STK3: variants seen among roughly 807,000 people sequenced by gnomAD.
STK3 encodes serine/threonine-protein kinase 3.
Under a neutral mutation model 58.0 loss-of-function variants are expected in STK3, and 41 were observed. The ratio of observed to expected loss-of-function variants is 0.71; its 90% CI spans 0.55 to 0.92. The LOEUF (loss-of-function observed/expected upper bound fraction) is 0.92, where lower values mean the gene tolerates loss of function less well. Among genes scored for constraint, STK3 ranks in the 40% least tolerant of loss-of-function variants. STK3 has a pLI of 0.00. For missense variants in STK3, 479 were observed against 602.7 expected (o/e 0.79, Z 2.15); for synonymous variants, 170 against 191.0 (o/e 0.89, Z 0.91).
chr8:98,369,492 G>A (rs561307932), downstream of STK3, among the ~76,000 whole-genome samples: 28 of 152,136 alleles, frequency 1.8e-4, no homozygotes, highest in Non-Finnish European at 3.7e-4. Flanking sequence ...AGGCTAGGTG[G>A]TTTAGCAGCT....
intron 6 of STK3, among the ~76,000 whole-genome samples, chr8:98,617,510 C>T (rs1471697791): frequency 5.4e-5 from 8 of 148,132 alleles, no homozygotes; most frequent in Non-Finnish European, 7.5e-5. Context: ...TTCAAAAAAT[C>T]AATGAATCCA....
At chr8:98,506,707 C>G (rs894277409) in intron 10 of STK3, among the ~76,000 whole-genome samples, 3 of 150,738 alleles carry the variant, frequency 2.0e-5, no homozygotes, top group Admixed American at 2.0e-4. Flanking sequence ...AGCAAGACTC[C>G]ATCAAAAGAA....
chr8:98,551,853 T>C (rs145244569), intron 8 of STK3, among the ~76,000 whole-genome samples: 118 of 152,254 alleles, frequency 7.8e-4, no homozygotes, highest in African/African-American at 2.6e-3. Flanking sequence ...ACACGTTCAA[T>C]ACATATTGAC....
At chr8:98,598,088 T>C (rs1815987791) in intron 6 of STK3, 1 of 985,288 alleles carries the variant, frequency 1.0e-6, no homozygotes, top group African/African-American at 1.7e-5. Flanking sequence ...TAAGCCCCTA[T>C]ATAGACTGAC....
At chr8:98,939,599 T>G (rs757666811) in intron 1 of STK3, among the ~76,000 whole-genome samples, 1 of 152,238 alleles carries the variant, frequency 6.6e-6, no homozygotes, top group Non-Finnish European at 1.5e-5. Flanking sequence ...AGGGTAGCGC[T>G]GCTCAGCTCC....
At chr8:98,838,074 CAAA>C (rs58973724) in intron 3 of STK3, among the ~76,000 whole-genome samples, 2 of 58,760 alleles carry the variant, frequency 3.4e-5, no homozygotes, top group African/African-American at 6.1e-5. Flanking sequence ...ACTAAAAATA[CAAA>C]AAAAAAAAAA....
At chr8:98,554,242 A>G (rs1394991782) in intron 8 of STK3, among the ~76,000 whole-genome samples, 1 of 152,116 alleles carries the variant, frequency 6.6e-6, no homozygotes, top group African/African-American at 2.4e-5. Context: ...ATGATTTTCT[A>G]TCAGTTCCTT....
At chr8:98,794,532 A>G (rs1404044610) in intron 1 of STK3, among the ~76,000 whole-genome samples, 1 of 152,138 alleles carries the variant, frequency 6.6e-6, no homozygotes, top group Non-Finnish European at 1.5e-5. Flanking sequence ...ATAATTAAAA[A>G]CTTATCAACC....
At chr8:98,614,838 C>G (rs1205355951) in intron 6 of STK3, among the ~76,000 whole-genome samples, 1 of 152,124 alleles carries the variant, frequency 6.6e-6, no homozygotes. Context: ...ATTGCTAGCA[C>G]AAAGCAGTCT....
chr8:98,628,546 C>A lies in STK3; in HGVS notation c.685-32377G>T, dbSNP rs568271807. 3.9e-5 allele frequency among the ~76,000 whole-genome samples: 6 copies of A among 152,168 alleles called. No individual in the cohort carries two copies. The South Asian group carries it at 1.2e-3, about 32-fold the overall frequency. On this transcript the variant is annotated intron_variant, in intron 6 of 10. Coordinates refer to ENST00000419617, the MANE Select transcript of STK3 (RefSeq NM_006281.4). ...GCATGGTGGCTCACACCTGTAATCCCAGCACTTTGGAAGGCAGAGGTGGGA... is the reference window on the plus strand; with the variant it reads ...GCATGGTGGCTCACACCTGTAATCCAAGCACTTTGGAAGGCAGAGGTGGGA...
chr8:98,777,028 C>A (rs1486316472), intron 1 of STK3, among the ~76,000 whole-genome samples: 3 of 144,430 alleles, frequency 2.1e-5, no homozygotes, highest in East Asian at 2.1e-4. Flanking sequence ...CCAGCCTGGG[C>A]GACAGAGCAA....
intron 1 of STK3, among the ~76,000 whole-genome samples, chr8:98,780,616 A>C (rs1282134320): frequency 6.6e-6 from 1 of 151,936 alleles, no homozygotes; most frequent in East Asian, 1.9e-4. Context: ...TATTTTTGCA[A>C]ATGAGTGGAT....
chr8:98,518,335 C>A (rs552861810), intron 10 of STK3, among the ~76,000 whole-genome samples: 2 of 152,050 alleles, frequency 1.3e-5, no homozygotes, highest in South Asian at 4.2e-4. Context: ...ACACAACCAC[C>A]AAATAAAAAT....
At chr8:98,745,827 A>C (rs909685866) in intron 4 of STK3, among the ~76,000 whole-genome samples, 3 of 152,220 alleles carry the variant, frequency 2.0e-5, no homozygotes, top group African/African-American at 7.2e-5. Context: ...GACAACATGG[A>C]TACATTCTGA....
At chr8:98,717,281 T>G (rs1163044110) in intron 4 of STK3, among the ~76,000 whole-genome samples, 2 of 151,574 alleles carry the variant, frequency 1.3e-5, no homozygotes, top group Admixed American at 6.6e-5. Context: ...ATTACGTATC[T>G]GATAAGACAT....
intron 10 of STK3, among the ~76,000 whole-genome samples, chr8:98,463,690 CT>C (rs1477920958): frequency 3.9e-5 from 6 of 152,190 alleles, no homozygotes; most frequent in African/African-American, 1.4e-4. Flanking sequence ...ATAAAACTTA[CT>C]TCATAAAATA....
intron 1 of STK3, among the ~76,000 whole-genome samples, chr8:98,913,422 CAAAGCTGGTAAGG>C (rs1385174840): frequency 6.6e-6 from 1 of 152,148 alleles, no homozygotes; most frequent in Non-Finnish European, 1.5e-5. Context: ...ATTCAGTGTG[CAAAGCTGGTAAGG>C]AAAGCCCATC....
chr8:98,447,974 A>C (rs1819032833), intron 1 of STK3, among the ~76,000 whole-genome samples: 1 of 148,250 alleles, frequency 6.7e-6, no homozygotes, highest in Non-Finnish European at 1.5e-5. Context: ...AATAATAATA[A>C]TAATAATAAT....
At chr8:98,718,249 G>C (rs563982123) in intron 4 of STK3, among the ~76,000 whole-genome samples, 18 of 152,088 alleles carry the variant, frequency 1.2e-4, no homozygotes, top group Non-Finnish European at 2.1e-4. Context: ...TAAAACTGAG[G>C]GGGGGAAATG....
Sources: gnomAD v4.1 joint callset for allele counts (sites outside exome capture counted in the v4.1 genomes callset) on GRCh38, gnomAD v4.1.1 for gene constraint, MANE v1.5 for transcripts, NCBI Gene and HGNC (gene_info 2026-07-23, HGNC 2026-07-21) for gene names.